Variants in GPR137C observed in about 807,000 individuals in gnomAD.
The protein encoded by GPR137C is integral membrane protein GPR137C.
GPR137C carries 27 observed loss-of-function variants against 43.4 expected under a neutral mutation model. The observed-to-expected ratio is 0.62, with a 90% confidence interval of 0.46 to 0.86. The LOEUF (loss-of-function observed/expected upper bound fraction) is 0.86, where lower values mean the gene tolerates loss of function less well. Among genes scored for constraint, GPR137C ranks in the 40% least tolerant of loss-of-function variants. GPR137C has a pLI of 0.00. For synonymous variants in GPR137C, 285 were observed against 226.9 expected (o/e 1.26, Z -2.30); for missense variants, 522 against 534.6 (o/e 0.98, Z 0.23).
chr14:52,584,370 G>A (rs2038685848), intron 1 of GPR137C, among the ~76,000 whole-genome samples: 1 of 152,132 alleles, frequency 6.6e-6, no homozygotes, highest in Non-Finnish European at 1.5e-5. Flanking sequence ...TAGTTGTTTT[G>A]AAATGGTTAC....
chr14:52,597,325 G>C (rs951600322), intron 1 of GPR137C, among the ~76,000 whole-genome samples: 2 of 152,164 alleles, frequency 1.3e-5, no homozygotes, highest in Non-Finnish European at 2.9e-5. Flanking sequence ...AGAAACCGTG[G>C]TCATGTTTAT....
intron 3 of GPR137C, among the ~76,000 whole-genome samples, chr14:52,602,774 T>C (rs72684258): frequency 0.092 from 14,046 of 152,202 alleles, 933 homozygotes; most frequent in East Asian, 0.34. Context: ...GGGGCACTTA[T>C]CAGTTTATAC....
intron 3 of GPR137C, among the ~76,000 whole-genome samples, chr14:52,607,623 C>T (rs2038996306): frequency 6.6e-6 from 1 of 152,138 alleles, no homozygotes; most frequent in South Asian, 2.1e-4. Flanking sequence ...TGCCTGTAAT[C>T]CCAGCACTTT....
At chr14:52,611,752 G>A (rs2039041285) in intron 3 of GPR137C, 1 of 357,656 alleles carries the variant, frequency 2.8e-6, no homozygotes, top group Non-Finnish European at 3.9e-6. Flanking sequence ...TCAGAGATCT[G>A]CCATTTATCA....
At chr14:52,577,926 C>T (rs2038587487) in intron 1 of GPR137C, among the ~76,000 whole-genome samples, 1 of 152,006 alleles carries the variant, frequency 6.6e-6, no homozygotes, top group Non-Finnish European at 1.5e-5. Context: ...GATCGTGCCA[C>T]TGCGTTCCAG....
At chr14:52,592,694 T>C (rs1343620053) in intron 1 of GPR137C, among the ~76,000 whole-genome samples, 1 of 152,248 alleles carries the variant, frequency 6.6e-6, no homozygotes, top group Non-Finnish European at 1.5e-5. Flanking sequence ...ATCCTGAGAC[T>C]TTGCTGAAGT....
chr14:52,562,754 A>G (rs1378254542), intron 1 of GPR137C, among the ~76,000 whole-genome samples: 1 of 152,260 alleles, frequency 6.6e-6, no homozygotes, highest in Non-Finnish European at 1.5e-5. Flanking sequence ...CAGCTAGGTT[A>G]GCATGTAGAA....
intron 3 of GPR137C, chr14:52,611,531 TTTG>T: frequency 5.4e-6 from 2 of 370,122 alleles, no homozygotes; most frequent in Non-Finnish European, 7.5e-6. Context: ...TTTGTTATTT[TTTG>T]TTATTTTTTT....
At chr14:52,570,636 A>T (rs2038451284) in intron 1 of GPR137C, among the ~76,000 whole-genome samples, 1 of 152,090 alleles carries the variant, frequency 6.6e-6, no homozygotes, top group Admixed American at 6.5e-5. Flanking sequence ...GGCTAAAAAT[A>T]AAGGGATGGA....
intron 1 of GPR137C, among the ~76,000 whole-genome samples, chr14:52,558,817 A>G (rs530223941): frequency 1.3e-5 from 2 of 152,340 alleles, no homozygotes; most frequent in Admixed American, 1.3e-4. Context: ...AACACAGTTA[A>G]AAAGAAATAA....
intron 3 of GPR137C, among the ~76,000 whole-genome samples, chr14:52,630,420 A>G (rs936703770): frequency 3.9e-5 from 6 of 151,952 alleles, no homozygotes; most frequent in Non-Finnish European, 7.4e-5. Flanking sequence ...TACTTCTAAA[A>G]TTGGATCTGG....
At chr14:52,619,031 A>G (rs1254787037) in intron 3 of GPR137C, among the ~76,000 whole-genome samples, 1 of 151,832 alleles carries the variant, frequency 6.6e-6, no homozygotes, top group Non-Finnish European at 1.5e-5. Context: ...ACATTTTCTC[A>G]CTCCCTCCTG....
At chr14:52,591,714 T>G (rs768272261) in intron 1 of GPR137C, among the ~76,000 whole-genome samples, 2 of 152,234 alleles carry the variant, frequency 1.3e-5, no homozygotes, top group Non-Finnish European at 2.9e-5. Flanking sequence ...CTTTGTAGAT[T>G]CTGGATATTA....
At chr14:52,607,427 C>G (rs1417015970) in intron 3 of GPR137C, among the ~76,000 whole-genome samples, 2 of 152,236 alleles carry the variant, frequency 1.3e-5, no homozygotes, top group East Asian at 3.8e-4. Flanking sequence ...GTTTATCTCT[C>G]CCTTTAGCTT....
At chr14:52,560,436 G>A (rs554032952) in intron 1 of GPR137C, among the ~76,000 whole-genome samples, 5 of 152,308 alleles carry the variant, frequency 3.3e-5, no homozygotes, top group Non-Finnish European at 7.3e-5. Flanking sequence ...GTGGACATAC[G>A]AGGGACTTAG....
In GPR137C at chr14:52,636,817, G is replaced by A. The variant is rs2039358359; in HGVS notation, c.*1702G>A. On this transcript the variant is annotated 3_prime_UTR_variant, in exon 7 of 7. Transcript: ENST00000321662. ...CATTGTAACCAAATTATTTTAAAATGTATAGTATAAAAAGTTACCCGTGGT... is the reference window on the plus strand; with the variant it reads ...CATTGTAACCAAATTATTTTAAAATATATAGTATAAAAAGTTACCCGTGGT... 6.6e-6 allele frequency: 1 copy of A among 152,062 alleles called. No homozygotes were observed. The highest frequency in any genetic ancestry group is 2.1e-4 in the South Asian group (1 of 4,832). The allele number at this position is 152,062 out of a possible 1,614,324, so 9.4% of individuals were successfully genotyped here.
intron 1 of GPR137C, among the ~76,000 whole-genome samples, chr14:52,580,789 A>C (rs573149809): frequency 6.9e-6 from 1 of 145,302 alleles, no homozygotes; most frequent in Non-Finnish European, 1.5e-5. Flanking sequence ...TATCTACTAA[A>C]TATATTTATA....
intron 3 of GPR137C, among the ~76,000 whole-genome samples, chr14:52,621,930 C>T (rs1219299691): frequency 6.6e-6 from 1 of 151,630 alleles, no homozygotes; most frequent in Non-Finnish European, 1.5e-5. Context: ...AAATCCATTA[C>T]ATTCTAACAA....
chr14:52,633,924 C>G lies in GPR137C; in HGVS notation c.1090C>G (p.Leu364Val), dbSNP rs760237392. 1.3e-5 allele frequency: 21 copies of G among 1,604,064 alleles called. No homozygotes were observed. Reference protein sequence around the residue: ...RYDSDDDLPRLGSSREGSLPN... With the variant: ...RYDSDDDLPRVGSSREGSLPN... ...TGATAGTGATGATGACCTGCCAAGA[C>G]TGGGAAGTTCAAGAGAAGGAAGGTA... The change falls in exon 6 of 7, where the codon CTG (leucine) becomes GTG (valine). Residue 364 changes from leucine to valine, a missense_variant. Leu to Val is a conservative substitution (Grantham distance 32). Transcript: ENST00000321662.
Sources: allele counts gnomAD v4.1 joint callset (sites outside exome capture counted in the v4.1 genomes callset), GRCh38; gene constraint gnomAD v4.1.1; transcripts MANE v1.5; gene names NCBI Gene and HGNC (gene_info 2026-07-23, HGNC 2026-07-21).